The following WDR49 variants were observed in gnomAD, a reference collection of about 807,000 sequenced individuals.
WDR49 encodes WD repeat domain 49.
WDR49 carries 107 observed loss-of-function variants against 119.5 expected under a neutral mutation model. The ratio of observed to expected loss-of-function variants is 0.90; its 90% CI spans 0.77 to 1.05. The LOEUF (loss-of-function observed/expected upper bound fraction) is 1.05, where lower values mean the gene tolerates loss of function less well. WDR49 is among the 50% of genes least tolerant of loss of function. The probability of loss-of-function intolerance (pLI) is 0.00; values close to 1 mark genes in which losing one functional copy is unlikely to be tolerated. For missense variants in WDR49, 1,240 were observed against 1,220.5 expected, an observed-to-expected ratio of 1.02 and a Z score of -0.24; for synonymous variants, 425 against 418.8, an observed-to-expected ratio of 1.01 and a Z score of -0.18.
At chr3:167,575,658 G>T (rs1714208665) in intron 8 of WDR49, among the ~76,000 whole-genome samples, 1 of 152,138 alleles carries the variant, frequency 6.6e-6, no homozygotes, top group Non-Finnish European at 1.5e-5. Flanking sequence ...TTATATTACA[G>T]GTTGTTTTGT....
At position 167,626,948 on chromosome 3, in the gene WDR49, A is replaced by C; in HGVS notation, c.510T>G (p.His170Gln). 1 of 1,321,210 alleles carries C rather than the reference A, an allele frequency of 7.6e-7. No homozygotes were observed. The allele number at this position is 1,321,210 out of a possible 1,614,324, so 81.8% of individuals were successfully genotyped here. The change falls in exon 3 of 19, where the codon CAT (histidine) becomes CAG (glutamine). Residue 170 changes from histidine (H) to glutamine (Q), a missense_variant. Transcript: ENST00000682715. ...KEGLLAIWGE[H>Q]LKLQETFPIT... ...TGGGGAATGTTTCTTGCAGCTTTAA[A>C]TGCTCTCCCCAGATTGCCAATAAAC...
intron 8 of WDR49, among the ~76,000 whole-genome samples, chr3:167,571,769 A>G (rs1266190481): frequency 6.6e-6 from 1 of 152,210 alleles, no homozygotes; most frequent in Non-Finnish European, 1.5e-5. Flanking sequence ...CATTGCTTTA[A>G]TTTCTTACAA....
At chr3:167,643,179 A>G (rs980471529) in intron 2 of WDR49, among the ~76,000 whole-genome samples, 1 of 152,088 alleles carries the variant, frequency 6.6e-6, no homozygotes, top group African/African-American at 2.4e-5. Flanking sequence ...TCAGCCCACA[A>G]GTTCCTTTAC....
At chr3:167,545,812 A>G (rs1388535957) in intron 10 of WDR49, among the ~76,000 whole-genome samples, 2 of 150,722 alleles carry the variant, frequency 1.3e-5, no homozygotes, top group African/African-American at 4.9e-5. Flanking sequence ...TCACCACTAA[A>G]TAACTTTTCC....
At chr3:167,606,178 G>C (rs1716054507) in intron 5 of WDR49, among the ~76,000 whole-genome samples, 1 of 152,168 alleles carries the variant, frequency 6.6e-6, no homozygotes, top group Non-Finnish European at 1.5e-5. Context: ...TTATACTCTA[G>C]AGAGTATGTT....
intron 15 of WDR49, among the ~76,000 whole-genome samples, chr3:167,524,761 C>T (rs577114985): frequency 6.6e-6 from 1 of 152,124 alleles, no homozygotes; most frequent in South Asian, 2.1e-4. Flanking sequence ...TTCCATTGGT[C>T]TCTTTATCTG....
intron 8 of WDR49, among the ~76,000 whole-genome samples, chr3:167,567,482 A>AG (rs1713674773): frequency 6.6e-6 from 1 of 152,176 alleles, no homozygotes; most frequent in Non-Finnish European, 1.5e-5. Context: ...ACACGTGGAC[A>AG]CAGTTTTCTT....
intron 18 of WDR49, among the ~76,000 whole-genome samples, chr3:167,487,768 A>G (rs1241525407): frequency 1.3e-5 from 2 of 152,102 alleles, no homozygotes; most frequent in Admixed American, 1.3e-4. Flanking sequence ...CAAGAAACAT[A>G]TGAAAATTAC....
chr3:167,570,437 C>T (rs972872487), intron 8 of WDR49, among the ~76,000 whole-genome samples: 1 of 152,064 alleles, frequency 6.6e-6, no homozygotes, highest in Non-Finnish European at 1.5e-5. Flanking sequence ...GAAAATTATA[C>T]CTCATCCCTC....
In WDR49 at chr3:167,620,457, T is replaced by C. The variant is rs1490907611; in HGVS notation, c.930A>G (p.Lys310=). The C allele has an allele frequency of 1.3e-6, 2 of 1,535,698 alleles. No homozygotes were observed. The highest frequency in any genetic ancestry group is 2.7e-5 in the African/African-American group (2 of 73,000). The change falls in exon 5 of 19, where the codon AAA becomes AAG. Residue 310 remains lysine (K), a synonymous_variant. Coordinates refer to ENST00000682715, the MANE Select transcript of WDR49 (RefSeq NM_001366157.1). ...CHKCCHILEH[K]LHQGDWVRQV... Reference sequence around the variant, plus strand: ...GCCTGACCCAATCTCCTTGATGAAGTTTATGCTCTAATATATGGCAACATT... The same window carrying C: ...GCCTGACCCAATCTCCTTGATGAAGCTTATGCTCTAATATATGGCAACATT...
At chr3:167,557,040 C>A (rs142009357) in intron 9 of WDR49, among the ~76,000 whole-genome samples, 2,230 of 151,692 alleles carry the variant, frequency 0.015, 136 homozygotes, top group Admixed American at 0.12. Context: ...AACAAACAAA[C>A]AAAAAAATTA....
intron 18 of WDR49, among the ~76,000 whole-genome samples, chr3:167,488,145 AACACACACACACACACACACAC>A (rs57719248): frequency 3.7e-5 from 5 of 136,280 alleles, no homozygotes; most frequent in South Asian, 2.6e-4. Flanking sequence ...GATACACTCA[AACACACACACACACACACACAC>A]ACACACACAC....
chr3:167,481,686 C>T (rs2108186887), intron 18 of WDR49, among the ~76,000 whole-genome samples: 1 of 152,202 alleles, frequency 6.6e-6, no homozygotes, highest in Admixed American at 6.5e-5. Flanking sequence ...GTCTCAGAAT[C>T]ATGGCAGAAG....
chr3:167,653,630 G>T, intron 1 of WDR49, 131 bp from the exon 2 acceptor site: 1 of 491,144 alleles, frequency 2.0e-6, no homozygotes, highest in Non-Finnish European at 3.4e-6. Context: ...TCACTTATTT[G>T]ATTCTAGAGT....
intron 10 of WDR49, among the ~76,000 whole-genome samples, chr3:167,545,962 A>C (rs1712166172): frequency 6.6e-6 from 1 of 151,822 alleles, no homozygotes. Context: ...AAATAAGGTA[A>C]TTTGAAGTTC....
upstream of WDR49, among the ~76,000 whole-genome samples, chr3:167,655,044 G>A (rs1718554196): frequency 6.6e-6 from 1 of 152,148 alleles, no homozygotes; most frequent in South Asian, 2.1e-4. Flanking sequence ...CCTGAGACTG[G>A]GTAATTTATA....
intron 7 of WDR49, among the ~76,000 whole-genome samples, chr3:167,589,544 C>T (rs1714999156): frequency 6.6e-6 from 1 of 152,070 alleles, no homozygotes; most frequent in East Asian, 1.9e-4. Context: ...GACATTTTAA[C>T]AATATTTATT....
intron 10 of WDR49, among the ~76,000 whole-genome samples, chr3:167,546,495 T>A (rs755224994): frequency 6.6e-6 from 1 of 151,628 alleles, no homozygotes; most frequent in Non-Finnish European, 1.5e-5. Context: ...ATTTTAGGAG[T>A]CTGAGAGACT....
At chr3:167,647,913 A>G (rs1718202075) in intron 2 of WDR49, among the ~76,000 whole-genome samples, 1 of 152,170 alleles carries the variant, frequency 6.6e-6, no homozygotes, top group African/African-American at 2.4e-5. Context: ...TTATTTGCTG[A>G]TTATGCGTTA....
Sources: allele counts gnomAD v4.1 joint callset (sites outside exome capture counted in the v4.1 genomes callset), GRCh38; gene constraint gnomAD v4.1.1; transcripts MANE v1.5; gene names NCBI Gene and HGNC (gene_info 2026-07-23, HGNC 2026-07-21).